Variants in ANO3 observed in about 807,000 individuals in gnomAD.
ANO3 encodes the protein anoctamin-3.
Under a neutral mutation model 144.8 loss-of-function variants are expected in ANO3, and 99 were observed. The ratio of observed to expected loss-of-function variants is 0.68; its 90% CI spans 0.58 to 0.81. ANO3 has a LOEUF of 0.81. Ranked by LOEUF, ANO3 falls within the 30% of genes least tolerant of loss-of-function variation. The pLI, the probability that ANO3 is intolerant of heterozygous loss-of-function variation, is 0.00. For missense variants in ANO3, 905 were observed against 1,202.2 expected, an observed-to-expected ratio of 0.75 and a Z score of 3.66; for synonymous variants, 414 against 392.6, an observed-to-expected ratio of 1.05 and a Z score of -0.64.
At chr11:26,521,956 G>T (rs898334837) in intron 6 of ANO3, among the ~76,000 whole-genome samples, 1 of 152,180 alleles carries the variant, frequency 6.6e-6, no homozygotes, top group Admixed American at 6.5e-5. Flanking sequence ...AGGCCGAAGC[G>T]GGTGGATCAA....
intron 1 of ANO3, among the ~76,000 whole-genome samples, chr11:26,340,317 G>A (rs1183205065): frequency 3.9e-5 from 6 of 152,166 alleles, no homozygotes. Context: ...GGAGGGTGGT[G>A]GTGGCTACTT....
intron 1 of ANO3, among the ~76,000 whole-genome samples, chr11:26,441,106 GTTTTTT>G (rs1022676698): frequency 3.8e-3 from 329 of 86,498 alleles, no homozygotes; most frequent in African/African-American, 0.011. Flanking sequence ...TTGCTGCCCA[GTTTTTT>G]TTTTTTTTTT....
intron 6 of ANO3, among the ~76,000 whole-genome samples, chr11:26,517,908 A>C (rs531237427): frequency 6.6e-6 from 1 of 152,176 alleles, no homozygotes; most frequent in Admixed American, 6.5e-5. Flanking sequence ...TTGCCCATAA[A>C]TCAGAAATTA....
intron 9 of ANO3, among the ~76,000 whole-genome samples, chr11:26,534,787 C>T (rs1849462940): frequency 6.6e-6 from 1 of 152,008 alleles, no homozygotes; most frequent in African/African-American, 2.4e-5. Context: ...AATGTGAAAA[C>T]ACTTTGAAAC....
intron 1 of ANO3, among the ~76,000 whole-genome samples, chr11:26,261,659 A>G (rs919799018): frequency 6.6e-6 from 1 of 152,196 alleles, no homozygotes; most frequent in African/African-American, 2.4e-5. Context: ...TCACTAGGGC[A>G]CACCAAGGCA....
intron 1 of ANO3, among the ~76,000 whole-genome samples, chr11:26,212,698 C>A (rs974649027): frequency 4.6e-5 from 7 of 151,894 alleles, no homozygotes; most frequent in Non-Finnish European, 7.4e-5. Context: ...CAAATTCTTC[C>A]AGAGGTACAA....
chr11:26,488,586 G>A (rs112046945), intron 4 of ANO3, among the ~76,000 whole-genome samples: 8,174 of 152,212 alleles, frequency 0.054, 420 homozygotes, highest in African/African-American at 0.13. Context: ...GACTTCAGGA[G>A]TGAAGCCGCA....
chr11:26,282,715 A>G (rs995284231), intron 1 of ANO3, among the ~76,000 whole-genome samples: 1 of 152,220 alleles, frequency 6.6e-6, no homozygotes, highest in Non-Finnish European at 1.5e-5. Flanking sequence ...AGTCTGTATC[A>G]TCTTACCAAG....
chr11:26,229,675 C>T (rs990343141), intron 1 of ANO3, among the ~76,000 whole-genome samples: 1 of 152,018 alleles, frequency 6.6e-6, no homozygotes, highest in African/African-American at 2.4e-5. Flanking sequence ...GCTTCTTCAT[C>T]AGCAACATTT....
chr11:26,423,517 G>A (rs1450152243), intron 1 of ANO3, among the ~76,000 whole-genome samples: 1 of 151,366 alleles, frequency 6.6e-6, no homozygotes, highest in Non-Finnish European at 1.5e-5. Flanking sequence ...GGTTACACAA[G>A]TTAATTTACA....
intron 1 of ANO3, among the ~76,000 whole-genome samples, chr11:26,310,905 C>G (rs1458479322): frequency 2.0e-5 from 3 of 152,124 alleles, no homozygotes; most frequent in Non-Finnish European, 4.4e-5. Context: ...CTTGGGATGC[C>G]TAGAAGCAAC....
rs140962371 is a variant in ANO3 at position 26,248,057 on chromosome 11, T to C, written c.154+58727T>C. Among the ~76,000 whole-genome samples the C allele has an allele frequency of 8.8e-3, 1,343 of 151,934 alleles. 20 individuals carry two copies. Among genetic ancestry groups the C allele is most frequent in the African/African-American group, 0.031 (1,285 of 41,490 alleles). ...CTCCAGTCATTTTTAAGAGGAAGGA[T>C]TGGCCGAGCATGGTGGCTCACGCTC... On this transcript the variant is annotated intron_variant, in intron 1 of 27. Coordinates refer to the ANO3 transcript ENST00000672621.
chr11:26,561,171 C>T (rs1850275424), intron 14 of ANO3: 7 of 1,612,654 alleles, frequency 4.3e-6, no homozygotes, highest in Middle Eastern at 3.3e-4. Context: ...ATTGTAGTAG[C>T]TAGAATTCCC....
intron 1 of ANO3, among the ~76,000 whole-genome samples, chr11:26,286,555 C>G (rs1403576358): frequency 6.6e-6 from 1 of 152,174 alleles, no homozygotes; most frequent in Non-Finnish European, 1.5e-5. Context: ...TAATCCATTT[C>G]CCAAACTTTC....
intron 4 of ANO3, among the ~76,000 whole-genome samples, chr11:26,492,562 T>C (rs942724805): frequency 1.3e-5 from 2 of 152,192 alleles, no homozygotes; most frequent in Admixed American, 6.5e-5. Context: ...CTTATGTGTA[T>C]ATAGTTCTCA....
chr11:26,551,440 C>T (rs1469479730), intron 12 of ANO3, among the ~76,000 whole-genome samples: 1 of 151,900 alleles, frequency 6.6e-6, no homozygotes, highest in Non-Finnish European at 1.5e-5. Context: ...ATATTTTAGA[C>T]TAAAAAATGT....
chr11:26,514,350 C>T (rs1199934269), intron 5 of ANO3, among the ~76,000 whole-genome samples: 1 of 152,042 alleles, frequency 6.6e-6, no homozygotes, highest in African/African-American at 2.4e-5. Flanking sequence ...GAGAGGTATG[C>T]TGTCAACTGA....
chr11:26,360,852 A>C (rs7935174), intron 1 of ANO3, among the ~76,000 whole-genome samples: 5,881 of 152,270 alleles, frequency 0.039, 222 homozygotes, highest in African/African-American at 0.096. Context: ...ATTTTAGTGG[A>C]GTTTGGAGGA....
At chr11:26,324,681 G>C (rs973176278) in intron 1 of ANO3, among the ~76,000 whole-genome samples, 4 of 152,178 alleles carry the variant, frequency 2.6e-5, no homozygotes, top group African/African-American at 7.2e-5. Flanking sequence ...TGGCTCACGT[G>C]GGGGCTGGTA....
Sources: gnomAD v4.1 joint callset for allele counts (sites outside exome capture counted in the v4.1 genomes callset) on GRCh38, gnomAD v4.1.1 for gene constraint, MANE v1.5 for transcripts, NCBI Gene and HGNC (gene_info 2026-07-23, HGNC 2026-07-21) for gene names.